MAST1: variants seen among roughly 807,000 people sequenced by gnomAD.
The protein encoded by MAST1 is microtubule associated serine/threonine kinase 1.
In MAST1, 40 loss-of-function variants were observed where a neutral mutation model predicts 124.6. The ratio of observed to expected loss-of-function variants is 0.32; its 90% CI spans 0.25 to 0.42. MAST1 has a LOEUF of 0.42. Among genes scored for constraint, MAST1 ranks in the 10% least tolerant of loss-of-function variants. The pLI is 1.00. For missense variants in MAST1, 1,558 were observed against 2,181.9 expected (o/e 0.71, Z 5.70); for synonymous variants, 938 against 939.4 (o/e 1.00, Z 0.03).
chr19:12,848,544 G>A lies in MAST1; in HGVS notation c.774+487G>A, dbSNP rs368288442. ...CGGGAGGCTGAGGCAGGAGAATGGC[G>A]TAAACCCGGGAGGCGGAGCTTGCAG... On this transcript the variant is annotated intron_variant, in intron 7 of 25. Coordinates refer to ENST00000251472, the MANE Select transcript of MAST1 (RefSeq NM_014975.3). The A allele has an allele frequency of 1.0e-4, 16 of 158,640 alleles. No individual in the cohort carries two copies. The East Asian group carries it at 3.0e-3, about 30-fold the overall frequency. The allele number at this position is 158,640 out of a possible 1,614,324, so 9.8% of individuals were successfully genotyped here. A position where few individuals can be genotyped will look rare whatever the true frequency, so the allele number is the denominator to read the frequency against.
In MAST1 at chr19:12,847,871, G is replaced by A. The variant is rs1969915374; in HGVS notation, c.588G>A (p.Lys196=). The change falls in exon 7 of 26, where the codon AAG becomes AAA. Residue 196 remains lysine, a synonymous_variant. Transcript: ENST00000251472. This position sits in a 1 kb window ranked among gnomAD's most constrained non-coding sequence, Gnocchi z 5.5. ...FPKATAQMEE[K]LRDFTRAYEP... is the part of the protein sequence containing the mutation. ...AGGCCACTGCGCAGATGGAGGAGAA[G>A]CTGCGCGACTTTACCCGCGCCTACG... is the stretch of plus-strand genomic sequence containing the variant. 1 of 1,611,986 alleles carries A rather than the reference G, an allele frequency of 6.2e-7. No homozygotes were observed. The highest frequency in any genetic ancestry group is 8.5e-7 in the Non-Finnish European group (1 of 1,179,226).
chr19:12,853,390 C>T (rs904932723), intron 10 of MAST1, among the ~76,000 whole-genome samples: 8 of 151,932 alleles, frequency 5.3e-5, no homozygotes, highest in Admixed American at 2.0e-4. Context: ...TGAGACCAGC[C>T]TGGGCAGCAT....
At chr19:12,867,367 C>A in intron 18 of MAST1, 107 bp from the exon 19 acceptor site, 4 of 1,311,636 alleles carry the variant, frequency 3.0e-6, no homozygotes, top group Non-Finnish European at 4.3e-6. Context: ...GGAGCCAGGC[C>A]TCGGAGGGTG....
intron 13 of MAST1, 22 bp downstream of exon 13, chr19:12,864,969 C>T: frequency 6.2e-7 from 1 of 1,614,068 alleles, no homozygotes; most frequent in Non-Finnish European, 8.5e-7. Flanking sequence ...TCTTTCCCAT[C>T]ACTCCCTCTG....
chr19:12,868,532 C>G, intron 20 of MAST1, 111 bp from the exon 21 acceptor site: 1 of 922,866 alleles, frequency 1.1e-6, no homozygotes. Context: ...TCAGATGAAA[C>G]TCACCATCCA....
chr19:12,847,128 G>A lies in MAST1; in HGVS notation c.328-162G>A. On this transcript the variant is annotated intron_variant, in intron 4 of 25. Transcript: ENST00000251472. This position sits in a 1 kb window ranked among gnomAD's most constrained non-coding sequence, Gnocchi z 5.5. Reference sequence around the variant, plus strand: ...GTCTGTCCCTGTCCACCTGTCTGTGGCCAAGAGTCCCAGCCAAGATCCTAG... The same window carrying A: ...GTCTGTCCCTGTCCACCTGTCTGTGACCAAGAGTCCCAGCCAAGATCCTAG... The A allele has an allele frequency of 1.7e-6, 1 of 605,158 alleles. No homozygotes were observed. The highest frequency in any genetic ancestry group is 2.9e-6 in the Non-Finnish European group (1 of 340,168). The allele number at this position is 605,158 out of a possible 1,614,324, so 37.5% of individuals were successfully genotyped here. A position where few individuals can be genotyped will look rare whatever the true frequency, so the allele number is the denominator to read the frequency against.
At chr19:12,869,000 G>A in intron 21 of MAST1, 66 bp from the exon 22 acceptor site, 1 of 1,561,708 alleles carries the variant, frequency 6.4e-7, no homozygotes. Context: ...GGAGGAGGGA[G>A]GAGCAGATAC....
In MAST1 at chr19:12,874,852, C is replaced by T. The variant is rs931883846; in HGVS notation, c.4695C>T (p.Pro1565=). The T allele has an allele frequency of 3.8e-6, 6 of 1,599,946 alleles. No homozygotes were observed. Among genetic ancestry groups the T allele is most frequent in the Non-Finnish European group, 4.3e-6 (5 of 1,174,044 alleles). The change falls in exon 26 of 26, where the codon CCC becomes CCT. Residue 1565 remains proline (P), a synonymous_variant. Coordinates refer to ENST00000251472, the MANE Select transcript of MAST1 (RefSeq NM_014975.3). This position sits in a 1 kb window ranked among gnomAD's most constrained non-coding sequence, Gnocchi z 6.6. The part of the protein sequence containing the change: ...AGLTKKGVSS[P]APPGP ...TGACCAAAAAAGGAGTGTCCAGTCC[C>T]GCACCCCCGGGACCATAGCCAAGGG...
chr19:12,839,870 C>A (rs886950774), intron 1 of MAST1, among the ~76,000 whole-genome samples: 1 of 152,076 alleles, frequency 6.6e-6, no homozygotes, highest in Non-Finnish European at 1.5e-5. Context: ...CCACTGCACA[C>A]TGCACTCCAG....
At chr19:12,856,654 A>AT (rs1970021582) in intron 10 of MAST1, among the ~76,000 whole-genome samples, 1 of 152,142 alleles carries the variant, frequency 6.6e-6, no homozygotes, top group Non-Finnish European at 1.5e-5. Context: ...TGCCTATTGC[A>AT]TTTTTACACT....
In MAST1 at chr19:12,843,827, C is replaced by T. The variant is rs557454986; in HGVS notation, c.327+220C>T. On this transcript the variant is annotated intron_variant, in intron 4 of 25. Transcript: ENST00000251472. The surrounding 1 kb of genome is among the most constrained non-coding windows in gnomAD (Gnocchi z 4.9). Reference sequence around the variant, plus strand: ...ACCAGTCTGGGCAACATAGGGAGACCCTTGTCCCTACAAAAAATTAAAAAT... The same window carrying T: ...ACCAGTCTGGGCAACATAGGGAGACTCTTGTCCCTACAAAAAATTAAAAAT... Among the ~76,000 whole-genome samples, 1 of 152,172 alleles carries T rather than the reference C, an allele frequency of 6.6e-6. No individual in the cohort carries two copies. The highest frequency in any genetic ancestry group is 2.1e-4 in the South Asian group (1 of 4,832).
chr19:12,845,698 C>T (rs1969885499), intron 4 of MAST1, among the ~76,000 whole-genome samples: 1 of 149,798 alleles, frequency 6.7e-6, no homozygotes, highest in African/African-American at 2.5e-5. Context: ...CTCTGTCGCC[C>T]AGGCCTGGAG....
chr19:12,867,508 A>T lies in MAST1; in HGVS notation c.2174A>T (p.Glu725Val). 1.2e-6 allele frequency: 2 copies of T among 1,613,778 alleles called. No individual in the cohort carries two copies. The highest frequency in any genetic ancestry group is 1.7e-6 in the Non-Finnish European group (2 of 1,180,008). Residue 725 changes from glutamate to valine, a missense_variant, in exon 19 of 26, where the codon GAG becomes GTG. Physicochemically the swap from Glu to Val is moderately radical, Grantham distance 121. Coordinates refer to ENST00000251472, the MANE Select transcript of MAST1 (RefSeq NM_014975.3). ...AGCATGGAGCAGCTGTCGCAGCACG[A>T]GCCCAAGACCCCAGTAGCAGCTGCA... Reference protein sequence around the residue: ...YSSMEQLSQHEPKTPVAAAGS... With the variant: ...YSSMEQLSQHVPKTPVAAAGS...
intron 1 of MAST1, among the ~76,000 whole-genome samples, chr19:12,839,844 T>C (rs1282031393): frequency 1.3e-5 from 2 of 152,018 alleles, no homozygotes; most frequent in African/African-American, 4.8e-5. Context: ...GCCCAGGAGT[T>C]TGAGGCTGCA....
At chr19:12,856,286 C>T (rs554844844) in intron 10 of MAST1, among the ~76,000 whole-genome samples, 38 of 150,376 alleles carry the variant, frequency 2.5e-4, no homozygotes, top group Non-Finnish European at 5.0e-4. Context: ...AATATGATTA[C>T]ATAGTTTTAT....
intron 24 of MAST1, among the ~76,000 whole-genome samples, chr19:12,872,126 C>A (rs150665109): frequency 6.6e-6 from 1 of 152,046 alleles, no homozygotes; most frequent in Non-Finnish European, 1.5e-5. Flanking sequence ...TTAGACAGAA[C>A]TGGGAAAGGC....
intron 24 of MAST1, among the ~76,000 whole-genome samples, chr19:12,871,565 C>A (rs1358013340): frequency 6.6e-6 from 1 of 151,968 alleles, no homozygotes; most frequent in Non-Finnish European, 1.5e-5. Context: ...CAAGATTGTG[C>A]CACTGCACTC....
Position 12,858,548 on chromosome 19 carries a change from G to T in MAST1, c.1175G>T (p.Arg392Leu), listed in dbSNP as rs1599584735. Reference protein sequence around the residue: ...NGAYGAVYLVRHRDTRQRFAM... With the variant: ...NGAYGAVYLVLHRDTRQRFAM... Reference sequence around the variant, plus strand: ...CCCTGCAGCGCTGTCTACCTGGTGCGGCACCGCGACACGCGGCAGCGCTTT... The same window carrying T: ...CCCTGCAGCGCTGTCTACCTGGTGCTGCACCGCGACACGCGGCAGCGCTTT... Residue 392 changes from arginine to leucine, a missense_variant, in exon 12 of 26, where the codon CGG becomes CTG. By Grantham distance (102) the Arg-to-Leu change is moderately radical. This residue lies in a region of MAST1 where 136 missense variants were observed against 160.9 expected (regional missense o/e 0.85). Transcript: ENST00000251472. 1 of 1,614,198 alleles carries T rather than the reference G, an allele frequency of 6.2e-7. No homozygotes were observed. The highest frequency in any genetic ancestry group is 1.1e-5 in the South Asian group (1 of 91,078).
intron 4 of MAST1, among the ~76,000 whole-genome samples, chr19:12,846,178 G>A (rs1787651827): frequency 6.6e-6 from 1 of 152,002 alleles, no homozygotes; most frequent in African/African-American, 2.4e-5. Context: ...CTCTAGCCTG[G>A]GTGACACAAG....
Sources: gnomAD v4.1 joint callset for allele counts (sites outside exome capture counted in the v4.1 genomes callset) on GRCh38, gnomAD v4.1.1 for gene constraint, gnomAD v4.1.1 regional missense constraint, Gnocchi (gnomAD v3.1) non-coding constraint, MANE v1.5 for transcripts, NCBI Gene and HGNC (gene_info 2026-07-23, HGNC 2026-07-21) for gene names.